The following CDH23 variants were observed in gnomAD, a reference collection of about 807,000 sequenced individuals.
CDH23 encodes cadherin related 23.
A neutral mutation model predicts 317.1 loss-of-function variants in CDH23; 189 were observed. The observed-to-expected ratio is 0.60, with a 90% CI of 0.53 to 0.67. The LOEUF is 0.67. CDH23 is among the 30% of genes least tolerant of loss of function. CDH23 has a pLI of 0.00. For synonymous variants in CDH23, 1,839 were observed against 1,876.8 expected, an observed-to-expected ratio of 0.98 and a Z score of 0.52; for missense variants, 4,401 against 4,592.4, an observed-to-expected ratio of 0.96 and a Z score of 1.20.
chr10:71,673,720 C>T (rs1864240068), intron 14 of CDH23, among the ~76,000 whole-genome samples: 1 of 152,192 alleles, frequency 6.6e-6, no homozygotes, highest in African/African-American at 2.4e-5. Context: ...GCCTCAGTTT[C>T]CCCATCTGTA....
At chr10:71,792,631 C>T (rs1293341682) in intron 47 of CDH23, among the ~76,000 whole-genome samples, 1 of 126,284 alleles carries the variant, frequency 7.9e-6, no homozygotes, top group Non-Finnish European at 1.6e-5. Flanking sequence ...TCCAGACCAG[C>T]CTGACATGGA....
chr10:71,561,533 G>C (rs1223861690), intron 6 of CDH23, among the ~76,000 whole-genome samples: 1 of 152,148 alleles, frequency 6.6e-6, no homozygotes, highest in African/African-American at 2.4e-5. Context: ...CCTTTGCACG[G>C]CAGAACTTTC....
At chr10:71,538,988 T>C (rs1190437553) in intron 6 of CDH23, among the ~76,000 whole-genome samples, 1 of 151,930 alleles carries the variant, frequency 6.6e-6, no homozygotes, top group African/African-American at 2.4e-5. Flanking sequence ...CCTCACTTGA[T>C]TTTGACCCTG....
chr10:71,584,048 C>A (rs530987985), intron 9 of CDH23, among the ~76,000 whole-genome samples: 7 of 152,128 alleles, frequency 4.6e-5, no homozygotes, highest in Non-Finnish European at 8.8e-5. Context: ...TCTGTGGGTG[C>A]GCCCGGGCAA....
intron 3 of CDH23, among the ~76,000 whole-genome samples, chr10:71,467,873 G>A (rs1851329036): frequency 6.6e-6 from 1 of 152,138 alleles, no homozygotes; most frequent in Non-Finnish European, 1.5e-5. Context: ...GAGAACCCAG[G>A]TCCCATGACT....
At chr10:71,511,846 C>G (rs1030448926) in intron 6 of CDH23, 2 of 154,708 alleles carry the variant, frequency 1.3e-5, no homozygotes, top group Non-Finnish European at 2.9e-5. Flanking sequence ...TGCGGCCCCT[C>G]TCCTGGGTGG....
chr10:71,439,238 C>G (rs569645440), intron 1 of CDH23, among the ~76,000 whole-genome samples: 3 of 152,294 alleles, frequency 2.0e-5, no homozygotes, highest in Non-Finnish European at 4.4e-5. Context: ...CTTTGGACAC[C>G]ATGACCTGCT....
rs200638595 is a variant in CDH23, at chr10:71,814,940, G to T, written c.9739-12G>T. On this transcript the variant is annotated splice_polypyrimidine_tract_variant and intron_variant, in intron 69 of 69. Transcript: ENST00000224721. ...ATGGCCCTGAGCATGTGGGGGTCCC[G>T]GCCTCTTGCAGCTGATACAGACTGA... is the stretch of plus-strand genomic sequence containing the variant. The T allele has an allele frequency of 7.6e-5, 121 of 1,600,606 alleles. No individual in the cohort carries two copies. In the African/African-American group the frequency reaches 1.5e-3, roughly 20 times the overall value.
At chr10:71,628,761 G>A (rs1362887189) in intron 11 of CDH23, among the ~76,000 whole-genome samples, 1 of 152,162 alleles carries the variant, frequency 6.6e-6, no homozygotes, top group Non-Finnish European at 1.5e-5. Context: ...TCCTCCCAAA[G>A]TGCTGAGATT....
chr10:71,654,213 G>A (rs997882678), intron 14 of CDH23, among the ~76,000 whole-genome samples: 1 of 152,300 alleles, frequency 6.6e-6, no homozygotes, highest in Admixed American at 6.5e-5. Flanking sequence ...CCCCAAACTT[G>A]GTGGAATGCT....
chr10:71,439,830 C>A lies in CDH23; in HGVS notation c.-2C>A. 1 of 1,561,948 alleles carries A rather than the reference C, an allele frequency of 6.4e-7. No homozygotes were observed. The highest frequency in any genetic ancestry group is 2.4e-5 in the East Asian group (1 of 42,106). ...TTCTCTTTCTTTGTGTCCCCAGGAG[C>A]CATGGGGCGCCATGTTGCCACCAGC... On this transcript the variant is annotated 5_prime_UTR_variant, in exon 2 of 70. Transcript: ENST00000224721.
At chr10:71,588,190 G>T (rs1159815115) in intron 9 of CDH23, among the ~76,000 whole-genome samples, 1 of 152,120 alleles carries the variant, frequency 6.6e-6, no homozygotes, top group Non-Finnish European at 1.5e-5. Flanking sequence ...GCTTCCCTGG[G>T]GAACAAAAAC....
Position 71,550,458 on chromosome 10 carries a change from T to C in CDH23, c.430-16284T>C, listed in dbSNP as rs1428660411. The stretch of plus-strand genomic sequence containing the variant: ...CTGCAGTCCCAGCTACTTGGGAGAC[T>C]GACACATGGGAGGATTACTTAAGCC... On this transcript the variant is annotated intron_variant, in intron 6 of 69. Transcript: ENST00000224721. Among the ~76,000 whole-genome samples, 4 of 148,528 alleles carry C rather than the reference T, an allele frequency of 2.7e-5. No individual in the cohort carries two copies. In the East Asian group the frequency reaches 7.9e-4, roughly 29 times the overall value.
intron 6 of CDH23, among the ~76,000 whole-genome samples, chr10:71,554,548 G>T (rs1039815507): frequency 6.6e-6 from 1 of 152,118 alleles, no homozygotes; most frequent in Non-Finnish European, 1.5e-5. Flanking sequence ...CAAGTCTCAA[G>T]GTTACTGTAT....
intron 30 of CDH23, among the ~76,000 whole-genome samples, chr10:71,727,334 C>G (rs1470126233): frequency 6.6e-6 from 1 of 152,236 alleles, no homozygotes; most frequent in African/African-American, 2.4e-5. Flanking sequence ...AAAGCCCAGT[C>G]AGAAACCACT....
intron 3 of CDH23, 116 bp from the exon 4 acceptor site, chr10:71,509,966 C>T: frequency 8.4e-7 from 1 of 1,187,200 alleles, no homozygotes. Context: ...CTGTGGCCTG[C>T]TGGAGGATTG....
chr10:71,730,450 C>T lies in CDH23; in HGVS notation c.3580-19C>T, dbSNP rs778720282. 3.1e-6 allele frequency: 5 copies of T among 1,612,610 alleles called. No individual in the cohort carries two copies. Among genetic ancestry groups the T allele is most frequent in the Non-Finnish European group, 4.2e-6 (5 of 1,179,542 alleles). ...CTCCACCCCACCCTGACCTTGCACC[C>T]CTGGCCCGGCTCCCACAGGTGATTG... On this transcript the variant is annotated intron_variant, in intron 30 of 69. Transcript: ENST00000224721.
chr10:71,755,133 G>T, intron 38 of CDH23: 1 of 654,724 alleles, frequency 1.5e-6, no homozygotes, highest in South Asian at 1.5e-5. Context: ...AGCCAGCACT[G>T]CCTGGGAGCC....
chr10:71,505,762 A>C (rs12778437), intron 3 of CDH23, among the ~76,000 whole-genome samples: 12,587 of 152,282 alleles, frequency 0.083, 659 homozygotes, highest in East Asian at 0.12. Context: ...AAAAAACACC[A>C]GGCCTCATCC....
Sources: gnomAD v4.1 joint callset for allele counts (sites outside exome capture counted in the v4.1 genomes callset) on GRCh38, gnomAD v4.1.1 for gene constraint, MANE v1.5 for transcripts, NCBI Gene and HGNC (gene_info 2026-07-23, HGNC 2026-07-21) for gene names.